NKIRAS1: variants seen among roughly 807,000 people sequenced by gnomAD.
NKIRAS1 encodes NFKB inhibitor interacting Ras like 1.
A neutral mutation model predicts 19.8 loss-of-function variants in NKIRAS1; 16 were observed. That is an observed-to-expected ratio of 0.81 (90% CI 0.55 to 1.23). NKIRAS1 has a LOEUF of 1.23. Ranked by LOEUF, NKIRAS1 falls within the 50% of genes most tolerant of loss-of-function variation. The pLI is 0.00. For synonymous variants in NKIRAS1, 88 were observed against 79.0 expected (o/e 1.11, Z -0.61); for missense variants, 184 against 220.0 (o/e 0.84, Z 1.04).
At position 23,893,746 on chromosome 3, in the gene NKIRAS1, C is replaced by A. The variant is rs1419375969; in HGVS notation, c.337-409G>T. Reference sequence around the variant, plus strand: ...CGGGAGGCAGAGAGGGTGCAGTAAGCCGAGATGGCGCCACTGCACTCCAGC... The same window carrying A: ...CGGGAGGCAGAGAGGGTGCAGTAAGACGAGATGGCGCCACTGCACTCCAGC... On this transcript the variant is annotated intron_variant, in intron 4 of 4. Transcript: ENST00000425478. 3.6e-5 allele frequency among the ~76,000 whole-genome samples: 5 copies of A among 140,608 alleles called. No individual in the cohort carries two copies. In the East Asian group the frequency reaches 1.0e-3, roughly 29 times the overall value. The allele number at this position is 140,608 out of a possible 152,430, so 92.2% of individuals were successfully genotyped here.
upstream of NKIRAS1, chr3:23,919,154 G>A: frequency 2.9e-6 from 4 of 1,361,796 alleles, no homozygotes; most frequent in Non-Finnish European, 4.2e-6. Context: ...GCTGCTATAG[G>A]CAATGTGGGA....
At chr3:23,946,382 C>T (rs1398813742) in exon 1 of NKIRAS1, 1 of 824,878 alleles carries the variant, frequency 1.2e-6, no homozygotes, top group Non-Finnish European at 1.5e-6. Flanking sequence ...GAGGAGGCGC[C>T]TCGGGGAAGG....
intron 3 of NKIRAS1, among the ~76,000 whole-genome samples, chr3:23,901,810 C>T (rs567828560): frequency 6.6e-6 from 1 of 152,218 alleles, no homozygotes; most frequent in Non-Finnish European, 1.5e-5. Context: ...CGGTGGCTCA[C>T]GCCTATAATC....
At position 23,890,333 on chromosome 3, in the gene NKIRAS1, C is replaced by T. The variant is rs1337481685; in HGVS notation, c.*2762G>A. Among the ~76,000 whole-genome samples the T allele has an allele frequency of 2.0e-5, 3 of 152,130 alleles. No individual in the cohort carries two copies. Among genetic ancestry groups the T allele is most frequent in the South Asian group, 2.1e-4 (1 of 4,830 alleles). Reference sequence around the variant, plus strand: ...GCCTAAGCATTCCCTCTTCCCCCAACGTTATGTTTTTTTGAAATTTTGATG... The same window carrying T: ...GCCTAAGCATTCCCTCTTCCCCCAATGTTATGTTTTTTTGAAATTTTGATG... On this transcript the variant is annotated 3_prime_UTR_variant, in exon 5 of 5. Transcript: ENST00000425478.
chr3:23,917,846 A>T (rs199591542), upstream of NKIRAS1: 30 of 1,606,974 alleles, frequency 1.9e-5, no homozygotes, highest in Non-Finnish European at 5.9e-6. Context: ...GTTTGATTTC[A>T]CAGGTAAGCC....
At chr3:23,917,736 C>A, upstream of NKIRAS1, 1 of 1,081,106 alleles carries the variant, frequency 9.2e-7, no homozygotes, top group Non-Finnish European at 1.3e-6. Flanking sequence ...TGGTGCAGAG[C>A]CATTTTCATT....
chr3:23,919,917 C>T (rs574999516), upstream of NKIRAS1: 10 of 990,506 alleles, frequency 1.0e-5, no homozygotes, highest in African/African-American at 1.7e-4. Flanking sequence ...CAGGTGTAGA[C>T]TTTTTAAGTT....
intron 4 of NKIRAS1, among the ~76,000 whole-genome samples, chr3:23,896,704 T>C (rs1392866784): frequency 1.3e-5 from 2 of 151,834 alleles, no homozygotes; most frequent in Non-Finnish European, 2.9e-5. Flanking sequence ...ATGGGTGTGG[T>C]GGCTCACACC....
intron 1 of NKIRAS1, among the ~76,000 whole-genome samples, chr3:23,942,331 C>A (rs912547594): frequency 3.3e-5 from 5 of 152,154 alleles, no homozygotes; most frequent in African/African-American, 1.2e-4. Context: ...CCTCCACAAA[C>A]GCACAGCTTC....
intron 1 of NKIRAS1, among the ~76,000 whole-genome samples, chr3:23,944,565 G>C (rs1233347905): frequency 1.3e-5 from 2 of 152,106 alleles, no homozygotes; most frequent in African/African-American, 4.8e-5. Context: ...GAAACGCCCA[G>C]ATCTTGACTG....
chr3:23,925,155 C>T (rs559873218), intron 1 of NKIRAS1, among the ~76,000 whole-genome samples: 12 of 152,288 alleles, frequency 7.9e-5, no homozygotes, highest in Middle Eastern at 3.4e-3. Flanking sequence ...TTGTGAACAG[C>T]TCTAATGTCT....
chr3:23,935,997 T>A (rs948650179), intron 1 of NKIRAS1, among the ~76,000 whole-genome samples: 1 of 148,280 alleles, frequency 6.7e-6, no homozygotes, highest in African/African-American at 2.5e-5. Flanking sequence ...GTGGGAGAAT[T>A]GCTTGAGCCC....
chr3:23,918,297 C>T, upstream of NKIRAS1: 1 of 1,040,438 alleles, frequency 9.6e-7, no homozygotes. Flanking sequence ...TTGAAAAAGA[C>T]TGGGATGTGT....
intron 1 of NKIRAS1, among the ~76,000 whole-genome samples, chr3:23,930,868 G>GTTT (rs35470415): frequency 2.6e-4 from 32 of 123,858 alleles, no homozygotes; most frequent in African/African-American, 3.6e-4. Flanking sequence ...ATGTCCGGCT[G>GTTT]TTTTTTTTTT....
intron 4 of NKIRAS1, among the ~76,000 whole-genome samples, 156 bp downstream of exon 4, chr3:23,900,652 A>AAG (rs1702437915): frequency 2.0e-5 from 3 of 151,512 alleles, no homozygotes; most frequent in Non-Finnish European, 2.9e-5. Flanking sequence ...AAAAAAAAAA[A>AAG]AAAAAGAAAA....
intron 3 of NKIRAS1, among the ~76,000 whole-genome samples, chr3:23,910,156 C>CTTTT (rs34240932): frequency 8.3e-5 from 8 of 96,554 alleles, no homozygotes; most frequent in South Asian, 3.5e-4. Flanking sequence ...TGCGCTCGGC[C>CTTTT]TTTTTTTTTT....
In NKIRAS1 at chr3:23,930,159, G is replaced by C. The variant is rs371604141; in HGVS notation, c.-140+16164C>G. On this transcript the variant is annotated intron_variant, in intron 1 of 4. Coordinates refer to the NKIRAS1 transcript ENST00000421515. ...TCTGGAAGAACATGGGGAATCCAGAGAGAGTGTCACATTGAGAGCTGCTTC... is the reference window on the plus strand; with the variant it reads ...TCTGGAAGAACATGGGGAATCCAGACAGAGTGTCACATTGAGAGCTGCTTC... Among the ~76,000 whole-genome samples the C allele has an allele frequency of 4.6e-5, 7 of 152,318 alleles. 1 individual carries two copies. The highest frequency in any genetic ancestry group is 1.7e-4 in the African/African-American group (7 of 41,562).
At chr3:23,921,717 G>T (rs1005883006), upstream of NKIRAS1, 4 of 646,658 alleles carry the variant, frequency 6.2e-6, no homozygotes, top group South Asian at 7.0e-5. Context: ...CAGGACTACA[G>T]GCGCACACTG....
At chr3:23,895,904 G>A (rs890440308) in intron 4 of NKIRAS1, among the ~76,000 whole-genome samples, 1 of 152,074 alleles carries the variant, frequency 6.6e-6, no homozygotes, top group Admixed American at 6.5e-5. Context: ...GGAGGTGGAG[G>A]TGGGTGGATC....
Sources: gnomAD v4.1 joint callset for allele counts (sites outside exome capture counted in the v4.1 genomes callset) on GRCh38, gnomAD v4.1.1 for gene constraint, MANE v1.5 for transcripts, NCBI Gene and HGNC (gene_info 2026-07-23, HGNC 2026-07-21) for gene names.